UNC79: variants seen among roughly 807,000 people sequenced by gnomAD.
UNC79 encodes the protein unc-79 subunit of NALCN channel complex, also known as protein unc-79 homolog.
UNC79 carries 37 observed loss-of-function variants against 283.1 expected under a neutral mutation model. The ratio of observed to expected loss-of-function variants is 0.13; its 90% CI spans 0.10 to 0.17. The LOEUF (loss-of-function observed/expected upper bound fraction) is 0.17, where lower values mean the gene tolerates loss of function less well. UNC79 is among the 10% of genes least tolerant of loss of function. The probability of loss-of-function intolerance (pLI) is 1.00; values close to 1 mark genes in which losing one functional copy is unlikely to be tolerated. For missense variants in UNC79, 2,272 were observed against 3,211.1 expected, an observed-to-expected ratio of 0.71 and a Z score of 7.07; for synonymous variants, 1,107 against 1,200.2, an observed-to-expected ratio of 0.92 and a Z score of 1.61.
At chr14:93,707,542 C>T (rs2075942907), downstream of UNC79, 1 of 152,200 alleles carries the variant, frequency 6.6e-6, no homozygotes, top group African/African-American at 2.4e-5. Flanking sequence ...AGGCTGTACT[C>T]TCTTGTAAGC....
intron 7 of UNC79, among the ~76,000 whole-genome samples, chr14:93,511,139 C>T (rs928659694): frequency 2.0e-5 from 3 of 151,526 alleles, no homozygotes; most frequent in African/African-American, 7.3e-5. Flanking sequence ...AGACAACCAA[C>T]TCTCTGTGCA....
intron 34 of UNC79, 47 bp downstream of exon 37, chr14:93,643,744 GT>G (rs1446010880): frequency 6.3e-7 from 1 of 1,597,214 alleles, no homozygotes; most frequent in African/African-American, 1.4e-5. Flanking sequence ...CCTTTATTCA[GT>G]CTCTATCTTG....
At position 93,653,344 on chromosome 14, in the gene UNC79, T is replaced by C. The variant is rs2070527338; in HGVS notation, c.6084-398T>C. ...CTGCATATATATATATATATATGAA[T>C]TTTTTTTTCCTCAGAGCAACTCTGT... On this transcript the variant is annotated intron_variant, in intron 35 of 48. Transcript: ENST00000555664. Among the ~76,000 whole-genome samples, 5 of 143,168 alleles carry C rather than the reference T, an allele frequency of 3.5e-5. No individual in the cohort carries two copies. In the South Asian group the frequency reaches 8.5e-4, roughly 24 times the overall value. 93.9% of individuals were successfully genotyped at this position (143,168 alleles called of 152,430 possible).
In UNC79 at chr14:93,637,285, C is replaced by A; in HGVS notation, c.5786C>A (p.Pro1929Gln). The A allele has an allele frequency of 1.2e-6, 2 of 1,612,698 alleles. No homozygotes were observed. Among genetic ancestry groups the A allele is most frequent in the Non-Finnish European group, 1.7e-6 (2 of 1,178,802 alleles). The change falls in exon 32 of 49, where the codon CCA becomes CAA. Residue 1929 changes from proline (P) to glutamine (Q), a missense_variant. By Grantham distance (76) the Pro-to-Gln change is moderately conservative. This residue lies in a region of UNC79 where 580 missense variants were observed against 632.2 expected (regional missense o/e 0.92). Coordinates refer to ENST00000555664, the Ensembl canonical transcript of UNC79. ...CTAAACCCTGACCTGGAGGGACAGC[C>A]ATTGAGGATGAGAGGTTAGTTGAGT... is the stretch of plus-strand genomic sequence containing the variant.
intron 1 of UNC79, chr14:93,437,648 G>A (rs1015032): frequency 0.53 from 80,243 of 152,128 alleles, 21,633 homozygotes; most frequent in Admixed American, 0.63. Context: ...TGAAATCAAA[G>A]CGTTGGCAGG....
At chr14:93,560,060 C>G (rs1319633861) in intron 14 of UNC79, among the ~76,000 whole-genome samples, 1 of 151,880 alleles carries the variant, frequency 6.6e-6, no homozygotes, top group South Asian at 2.1e-4. Context: ...TTAGAAGGAG[C>G]ATTTGTCGTA....
At chr14:93,622,171 C>T (rs1383745877) in exon 30 of UNC79, 3 of 1,613,974 alleles carry the variant, frequency 1.9e-6, no homozygotes, top group East Asian at 2.2e-5. Flanking sequence ...TCGAGAGTGA[C>T]GAAGAAGAGG....
At chr14:93,687,291 A>G (rs115599145) in intron 43 of UNC79, among the ~76,000 whole-genome samples, 2,678 of 152,312 alleles carry the variant, frequency 0.018, 68 homozygotes, top group African/African-American at 0.058. Context: ...TTTAATTTGC[A>G]TATGGACAAA....
chr14:93,570,996 A>G (rs1030114000), intron 14 of UNC79, among the ~76,000 whole-genome samples: 3 of 152,354 alleles, frequency 2.0e-5, no homozygotes, highest in African/African-American at 7.2e-5. Flanking sequence ...ATAGAAATAT[A>G]GTCATTTCTT....
chr14:93,660,563 A>ATATATATATATATATATATGTG (rs1203621990), intron 39 of UNC79, among the ~76,000 whole-genome samples: 1 of 64,774 alleles, frequency 1.5e-5, no homozygotes, highest in African/African-American at 6.4e-5. Flanking sequence ...ATATATATAT[A>ATATATATATATATATATATGTG]TGTGTGTGTG....
intron 7 of UNC79, among the ~76,000 whole-genome samples, chr14:93,509,670 G>A (rs2059721353): frequency 6.6e-6 from 1 of 152,174 alleles, no homozygotes; most frequent in Admixed American, 6.5e-5. Context: ...CCACACTAAT[G>A]CAAGGGGTTG....
intron 7 of UNC79, among the ~76,000 whole-genome samples, chr14:93,515,454 T>C (rs991582633): frequency 6.6e-6 from 1 of 152,186 alleles, no homozygotes; most frequent in Non-Finnish European, 1.5e-5. Context: ...TCTTCTTGTT[T>C]GTGTGGTTGT....
chr14:93,391,103 A>G (rs1197741659), intron 1 of UNC79, among the ~76,000 whole-genome samples: 1 of 152,204 alleles, frequency 6.6e-6, no homozygotes, highest in Non-Finnish European at 1.5e-5. Flanking sequence ...ATCAGCACAA[A>G]AATATATAAC....
At chr14:93,584,655 G>A (rs528898339) in intron 20 of UNC79, among the ~76,000 whole-genome samples, 9 of 152,238 alleles carry the variant, frequency 5.9e-5, no homozygotes, top group African/African-American at 1.4e-4. Context: ...TTATCTCTGC[G>A]TAATATTTTA....
chr14:93,564,049 G>A (rs1321544816), intron 14 of UNC79, among the ~76,000 whole-genome samples: 1 of 152,186 alleles, frequency 6.6e-6, no homozygotes, highest in Non-Finnish European at 1.5e-5. Flanking sequence ...AAACAGTAAG[G>A]TCAAGTTGTT....
At chr14:93,397,755 G>A (rs1200659448) in intron 1 of UNC79, among the ~76,000 whole-genome samples, 2 of 132,882 alleles carry the variant, frequency 1.5e-5, no homozygotes, top group Non-Finnish European at 3.1e-5. Flanking sequence ...AACAATGGTT[G>A]GAGTCATTTT....
intron 47 of UNC79, among the ~76,000 whole-genome samples, chr14:93,694,965 T>C (rs1595114418): frequency 6.6e-6 from 1 of 152,328 alleles, no homozygotes; most frequent in East Asian, 1.9e-4. Context: ...TTTAAATCAT[T>C]ATACAGTGTA....
chr14:93,667,402 CAG>C (rs2072332018), intron 40 of UNC79, among the ~76,000 whole-genome samples: 2 of 152,084 alleles, frequency 1.3e-5, no homozygotes, highest in Non-Finnish European at 2.9e-5. Context: ...TAACTACAGA[CAG>C]AGATTTTGAA....
At chr14:93,460,887 G>T (rs1219511516) in intron 1 of UNC79, among the ~76,000 whole-genome samples, 1 of 151,986 alleles carries the variant, frequency 6.6e-6, no homozygotes, top group Non-Finnish European at 1.5e-5. Context: ...TAAGAGAAAA[G>T]AAAAGAATAT....
Sources: allele counts gnomAD v4.1 joint callset (sites outside exome capture counted in the v4.1 genomes callset), GRCh38; gene constraint gnomAD v4.1.1; regional missense constraint gnomAD v4.1.1; transcripts MANE v1.5; gene names NCBI Gene and HGNC (gene_info 2026-07-23, HGNC 2026-07-21).